The following CYP2C19 variants were observed in gnomAD, a reference collection of about 807,000 sequenced individuals.
CYP2C19 encodes the protein cytochrome P450 2C19.
In CYP2C19, 59 loss-of-function variants were observed where a neutral mutation model predicts 40.9. The observed-to-expected ratio is 1.44, with a 90% confidence interval of 1.17 to 1.79. The LOEUF (loss-of-function observed/expected upper bound fraction) is 1.79. Among genes scored for constraint, CYP2C19 ranks in the 40% most tolerant of loss-of-function variants. CYP2C19 has a pLI of 0.00. For missense variants in CYP2C19, 754 were observed against 596.9 expected, an observed-to-expected ratio of 1.26 and a Z score of -2.74; for synonymous variants, 253 against 208.7, an observed-to-expected ratio of 1.21 and a Z score of -1.83.
chr10:94,781,969 T>C lies in CYP2C19; in HGVS notation c.791T>C (p.Ile264Thr), dbSNP rs750070968. 1.3e-6 allele frequency: 2 copies of C among 1,535,730 alleles called. No homozygotes were observed. The highest frequency in any genetic ancestry group is 2.2e-5 in the Admixed American group (1 of 45,354). The change falls in exon 5 of 9, where the codon ATT becomes ACT. Residue 264 changes from isoleucine to threonine, a missense_variant. Transcript: ENST00000371321. The stretch of plus-strand genomic sequence containing the variant: ...GACATCAACAACCCTCGGGACTTTA[T>C]TGATTGCTTCCTGATCAAAATGGAG... ...SMDINNPRDF[I>T]DCFLIKMEKE...
intron 5 of CYP2C19, among the ~76,000 whole-genome samples, chr10:94,798,858 G>T: frequency 9.7e-6 from 1 of 103,456 alleles, no homozygotes; most frequent in African/African-American, 3.5e-5. Context: ...TTGCTTGGTA[G>T]ATCTTCCTCC....
intron 6 of CYP2C19, among the ~76,000 whole-genome samples, chr10:94,826,974 G>A (rs1849236105): frequency 6.6e-6 from 1 of 152,074 alleles, no homozygotes; most frequent in Non-Finnish European, 1.5e-5. Flanking sequence ...TTATTGATTT[G>A]CGTATATTGA....
intron 7 of CYP2C19, among the ~76,000 whole-genome samples, 182 bp from the exon 8 acceptor site, chr10:94,849,735 G>T (rs1454121994): frequency 6.9e-6 from 1 of 145,422 alleles, no homozygotes; most frequent in African/African-American, 2.5e-5. Flanking sequence ...CAAGATTATT[G>T]TCACTGGCCT....
chr10:94,779,442 T>G (rs1188812941), intron 3 of CYP2C19, among the ~76,000 whole-genome samples: 1 of 152,228 alleles, frequency 6.6e-6, no homozygotes, highest in Non-Finnish European at 1.5e-5. Flanking sequence ...TAAGTTAAAT[T>G]TGAAGGATGA....
intron 5 of CYP2C19, among the ~76,000 whole-genome samples, chr10:94,782,503 CT>C (rs781134180): frequency 1.0e-3 from 156 of 152,070 alleles, no homozygotes; most frequent in Non-Finnish European, 1.9e-3. Flanking sequence ...TGTTTTTACT[CT>C]GTTTGTGGGA....
chr10:94,787,038 GAT>G (rs1039352355), intron 5 of CYP2C19, among the ~76,000 whole-genome samples: 2 of 152,140 alleles, frequency 1.3e-5, no homozygotes, highest in Non-Finnish European at 2.9e-5. Flanking sequence ...TGCATCAAAT[GAT>G]AATTTTGTTT....
At chr10:94,835,239 T>G (rs2134280947) in intron 6 of CYP2C19, among the ~76,000 whole-genome samples, 1 of 152,182 alleles carries the variant, frequency 6.6e-6, no homozygotes, top group Non-Finnish European at 1.5e-5. Flanking sequence ...CCTGACTATC[T>G]GCTTGATAGT....
intron 6 of CYP2C19, among the ~76,000 whole-genome samples, chr10:94,828,150 G>T (rs186575758): frequency 4.6e-5 from 7 of 152,200 alleles, no homozygotes; most frequent in South Asian, 2.1e-4. Flanking sequence ...TTGATTTGGG[G>T]TGGAGAGTTC....
chr10:94,765,240 A>T (rs1354068857), intron 1 of CYP2C19, among the ~76,000 whole-genome samples: 1 of 152,078 alleles, frequency 6.6e-6, no homozygotes, highest in African/African-American at 2.4e-5. Context: ...TATTAGTTGT[A>T]TGGCTTTGCA....
Position 94,843,073 on chromosome 10 carries a change from A to G in CYP2C19, c.1149+49A>G, listed in dbSNP as rs372468736. The G allele has an allele frequency of 7.5e-5, 120 of 1,599,426 alleles. No homozygotes were observed. The African/African-American group carries it at 1.3e-3, about 17-fold the overall frequency. ...CAACTCCATGTTCTTTTATTCCTCAAATTCACAGTATGATTCTTACCCTCT... is the reference window on the plus strand; with the variant it reads ...CAACTCCATGTTCTTTTATTCCTCAGATTCACAGTATGATTCTTACCCTCT... On this transcript the variant is annotated intron_variant, in intron 7 of 8. Transcript: ENST00000371321.
At chr10:94,804,452 C>G (rs556761739) in intron 5 of CYP2C19, among the ~76,000 whole-genome samples, 1 of 152,224 alleles carries the variant, frequency 6.6e-6, no homozygotes, top group Non-Finnish European at 1.5e-5. Context: ...GAATGATTGA[C>G]TTTTTATGCT....
At chr10:94,836,984 G>A (rs958851931) in intron 6 of CYP2C19, among the ~76,000 whole-genome samples, 4 of 152,182 alleles carry the variant, frequency 2.6e-5, no homozygotes, top group African/African-American at 9.7e-5. Context: ...GAGTTGAGAT[G>A]TTGGGTTTCA....
chr10:94,798,269 AG>A (rs1318420738), intron 5 of CYP2C19, among the ~76,000 whole-genome samples: 1 of 152,120 alleles, frequency 6.6e-6, no homozygotes, highest in African/African-American at 2.4e-5. Context: ...ATTCAGGAGC[AG>A]GTTGTTCAGT....
At chr10:94,802,458 A>G in intron 5 of CYP2C19, among the ~76,000 whole-genome samples, 1 of 151,728 alleles carries the variant, frequency 6.6e-6, no homozygotes, top group East Asian at 1.9e-4. Context: ...CCATCCCTTT[A>G]TTTTGAGCCT....
chr10:94,793,645 G>A (rs1848641020), intron 5 of CYP2C19, among the ~76,000 whole-genome samples: 1 of 152,218 alleles, frequency 6.6e-6, no homozygotes, highest in South Asian at 2.1e-4. Flanking sequence ...TGTTTGCCTG[G>A]ATATCACCAG....
At chr10:94,803,428 A>G (rs1481594205) in intron 5 of CYP2C19, among the ~76,000 whole-genome samples, 1 of 152,194 alleles carries the variant, frequency 6.6e-6, no homozygotes, top group African/African-American at 2.4e-5. Context: ...AGCTAGCACA[A>G]GTTTCTCTAG....
intron 5 of CYP2C19, among the ~76,000 whole-genome samples, chr10:94,784,412 G>T (rs571379660): frequency 6.6e-6 from 1 of 151,940 alleles, no homozygotes. Context: ...GTATTCTCAG[G>T]AGTTGATTTG....
intron 6 of CYP2C19, among the ~76,000 whole-genome samples, chr10:94,823,389 C>A (rs970582791): frequency 2.6e-5 from 4 of 152,154 alleles, no homozygotes; most frequent in African/African-American, 9.7e-5. Flanking sequence ...GCTAGAAAGG[C>A]AGATTTGGTA....
At chr10:94,792,163 T>C (rs550347527) in intron 5 of CYP2C19, among the ~76,000 whole-genome samples, 2 of 152,288 alleles carry the variant, frequency 1.3e-5, no homozygotes, top group East Asian at 3.9e-4. Context: ...AAGTCTGTTT[T>C]ATCAGAGACT....
Sources: gnomAD v4.1 joint callset for allele counts (sites outside exome capture counted in the v4.1 genomes callset) on GRCh38, gnomAD v4.1.1 for gene constraint, MANE v1.5 for transcripts, NCBI Gene and HGNC (gene_info 2026-07-23, HGNC 2026-07-21) for gene names.